MEGF9: variants seen among roughly 807,000 people sequenced by gnomAD.
The protein encoded by MEGF9 is multiple EGF like domains 9, also known as multiple epidermal growth factor-like domains protein 9.
Under a neutral mutation model 46.8 loss-of-function variants are expected in MEGF9, and 6 were observed. The observed-to-expected ratio is 0.13, with a 90% CI of 0.07 to 0.25. MEGF9 has a LOEUF of 0.25. Among genes scored for constraint, MEGF9 ranks in the 10% least tolerant of loss-of-function variants. MEGF9 has a pLI of 1.00. For missense variants in MEGF9, 683 were observed against 792.4 expected (o/e 0.86, Z 1.66); for synonymous variants, 302 against 330.7 (o/e 0.91, Z 0.94).
At chr9:120,700,139 T>G (rs965642084) in intron 1 of MEGF9, among the ~76,000 whole-genome samples, 16 of 152,178 alleles carry the variant, frequency 1.1e-4, no homozygotes, top group Non-Finnish European at 2.1e-4. Flanking sequence ...CAAAAACCTT[T>G]GGTGACTGGA....
chr9:120,688,403 G>A (rs1400790327), intron 1 of MEGF9, among the ~76,000 whole-genome samples: 1 of 151,978 alleles, frequency 6.6e-6, no homozygotes, highest in Non-Finnish European at 1.5e-5. Flanking sequence ...CCAAAATCAA[G>A]TGAAAAAGAA....
At chr9:120,708,043 TCAAA>T (rs372901746) in intron 1 of MEGF9, among the ~76,000 whole-genome samples, 3,652 of 149,400 alleles carry the variant, frequency 0.024, 154 homozygotes, top group African/African-American at 0.085. Flanking sequence ...AGACTCTGTC[TCAAA>T]CAAACAAACA....
intron 2 of MEGF9, among the ~76,000 whole-genome samples, chr9:120,654,250 C>T (rs555424804): frequency 2.2e-4 from 34 of 152,068 alleles, no homozygotes; most frequent in African/African-American, 7.5e-4. Context: ...AATATAAAAC[C>T]ATGTGTTACC....
chr9:120,673,889 G>C (rs2043761096), intron 1 of MEGF9, among the ~76,000 whole-genome samples: 1 of 147,082 alleles, frequency 6.8e-6, no homozygotes, highest in Admixed American at 7.1e-5. Context: ...AGAATCACTT[G>C]AACTCAGAGG....
intron 2 of MEGF9, among the ~76,000 whole-genome samples, chr9:120,641,178 T>C (rs139640757): frequency 0.011 from 1,629 of 152,308 alleles, 31 homozygotes; most frequent in African/African-American, 0.034. Context: ...TGACACTTTA[T>C]GTCACACTTA....
At chr9:120,653,515 G>A (rs746013639) in intron 2 of MEGF9, among the ~76,000 whole-genome samples, 5 of 151,822 alleles carry the variant, frequency 3.3e-5, no homozygotes, top group Non-Finnish European at 5.9e-5. Context: ...GGGATTACAG[G>A]CGCATGCCAC....
chr9:120,616,451 G>A (rs895883359), intron 3 of MEGF9, among the ~76,000 whole-genome samples: 3 of 151,850 alleles, frequency 2.0e-5, no homozygotes, highest in East Asian at 1.9e-4. Flanking sequence ...AGGCCGAGGC[G>A]GTCGGATCAC....
At chr9:120,631,846 G>A (rs1334887672) in intron 2 of MEGF9, among the ~76,000 whole-genome samples, 2 of 152,096 alleles carry the variant, frequency 1.3e-5, no homozygotes, top group East Asian at 3.8e-4. Flanking sequence ...CATTAAATCT[G>A]TAGATCACTT....
intron 3 of MEGF9, among the ~76,000 whole-genome samples, chr9:120,622,085 G>T (rs1052353450): frequency 1.2e-4 from 18 of 152,280 alleles, no homozygotes; most frequent in African/African-American, 4.1e-4. Context: ...GCACAAGACT[G>T]AAAGAGAAAG....
chr9:120,625,766 G>A (rs1480284385), intron 2 of MEGF9, among the ~76,000 whole-genome samples: 8 of 149,390 alleles, frequency 5.4e-5, no homozygotes, highest in Non-Finnish European at 1.2e-4. Flanking sequence ...CCTGTGAGGT[G>A]GAGGTTGTGG....
intron 2 of MEGF9, among the ~76,000 whole-genome samples, chr9:120,651,469 C>T (rs1262768951): frequency 6.6e-6 from 1 of 152,062 alleles, no homozygotes; most frequent in Non-Finnish European, 1.5e-5. Flanking sequence ...AGGCAAATTA[C>T]CTAACTTGCA....
At chr9:120,628,466 T>TCG (rs1290204918) in intron 2 of MEGF9, among the ~76,000 whole-genome samples, 1,498 of 115,606 alleles carry the variant, frequency 0.013, 80 homozygotes, top group Non-Finnish European at 0.022. Flanking sequence ...ATTCTTGTCG[T>TCG]TGTTTTTTTT....
chr9:120,681,222 A>G (rs528530588), intron 1 of MEGF9, among the ~76,000 whole-genome samples: 19 of 152,258 alleles, frequency 1.2e-4, no homozygotes, highest in African/African-American at 4.6e-4. Flanking sequence ...TTCAGGGCCC[A>G]AGGGCTCTTT....
chr9:120,614,254 C>G (rs72755752), intron 3 of MEGF9, among the ~76,000 whole-genome samples: 126 of 152,284 alleles, frequency 8.3e-4, no homozygotes, highest in Non-Finnish European at 1.2e-3. Flanking sequence ...AACTTCTGAC[C>G]TCAAGTGATG....
At position 120,615,156 on chromosome 9, in the gene MEGF9, T is replaced by C. The variant is rs376433088; in HGVS notation, c.944-2617A>G. On this transcript the variant is annotated intron_variant, in intron 3 of 5. Coordinates refer to ENST00000373930, the MANE Select transcript of MEGF9 (RefSeq NM_001080497.3). ...CAGAAGGATGAGACAGGAGAATCACTTGAATCCGGAAAGCAGAGGTTGTGG... is the reference window on the plus strand; with the variant it reads ...CAGAAGGATGAGACAGGAGAATCACCTGAATCCGGAAAGCAGAGGTTGTGG... Among the ~76,000 whole-genome samples the C allele has an allele frequency of 9.9e-5, 15 of 151,926 alleles. No individual in the cohort carries two copies. The South Asian group carries it at 3.1e-3, about 32-fold the overall frequency.
At chr9:120,633,095 G>A (rs1280670442) in intron 2 of MEGF9, among the ~76,000 whole-genome samples, 1 of 152,116 alleles carries the variant, frequency 6.6e-6, no homozygotes, top group African/African-American at 2.4e-5. Context: ...TCAGGGTGAT[G>A]CTAGCCTTAC....
chr9:120,636,668 A>G (rs908202765), intron 2 of MEGF9, among the ~76,000 whole-genome samples: 3 of 152,162 alleles, frequency 2.0e-5, no homozygotes, highest in African/African-American at 4.8e-5. Flanking sequence ...GTTTTTTTTA[A>G]AACAGAAAAA....
chr9:120,638,956 T>A (rs1011656709), intron 2 of MEGF9, among the ~76,000 whole-genome samples: 2 of 152,204 alleles, frequency 1.3e-5, no homozygotes, highest in Non-Finnish European at 2.9e-5. Context: ...AGCTTGGGCT[T>A]AGGTGTGCAC....
At chr9:120,607,634 C>A in intron 5 of MEGF9, 107 bp downstream of exon 5, 2 of 1,201,688 alleles carry the variant, frequency 1.7e-6, no homozygotes, top group African/African-American at 3.0e-5. Context: ...CTATCAAAAT[C>A]TATTTCCAGA....
Sources: gnomAD v4.1 joint callset for allele counts (sites outside exome capture counted in the v4.1 genomes callset) on GRCh38, gnomAD v4.1.1 for gene constraint, MANE v1.5 for transcripts, NCBI Gene and HGNC (gene_info 2026-07-23, HGNC 2026-07-21) for gene names.